The following MYOM2 variants were observed in gnomAD, a reference collection of about 807,000 sequenced individuals.
MYOM2 encodes myomesin 2, also known as myomesin-2.
A neutral mutation model predicts 187.6 loss-of-function variants in MYOM2; 254 were observed. That is an observed-to-expected ratio of 1.35 (90% CI 1.22 to 1.50). The LOEUF (loss-of-function observed/expected upper bound fraction) is 1.50, where lower values mean the gene tolerates loss of function less well. Among genes scored for constraint, MYOM2 ranks in the 40% most tolerant of loss-of-function variants. The pLI, the probability that MYOM2 is intolerant of heterozygous loss-of-function variation, is 0.00. For missense variants in MYOM2, 2,796 were observed against 1,924.0 expected (o/e 1.45, Z -8.48); for synonymous variants, 981 against 753.8 (o/e 1.30, Z -4.94).
rs1796338712 is a variant in MYOM2 at position 2,092,446 on chromosome 8, C to G, written c.1929C>G (p.Gly643=). ...DRPKHEEDLL[G]YYVDCCVAGT... The stretch of plus-strand genomic sequence containing the variant: ...CTAAGCATGAGGAGGACCTGCTGGG[C>G]TACTACGTGGACTGCTGTGTGGCCG... Residue 643 remains glycine, a synonymous_variant, in exon 16 of 37, where the codon GGC becomes GGG. Transcript: ENST00000262113. 1 of 1,614,168 alleles carries G rather than the reference C, an allele frequency of 6.2e-7. No individual in the cohort carries two copies. The highest frequency in any genetic ancestry group is 2.2e-5 in the East Asian group (1 of 44,876).
chr8:2,080,436 A>G (rs1819581773), intron 13 of MYOM2, among the ~76,000 whole-genome samples: 1 of 152,228 alleles, frequency 6.6e-6, no homozygotes, highest in Non-Finnish European at 1.5e-5. Flanking sequence ...CTAGGATCTC[A>G]AAACAAATGT....
chr8:2,106,563 CG>C lies in MYOM2; in HGVS notation c.2966del (p.Gly989GlufsTer16). ...ACTCCGTGTCTGTAAGTGATACAGA[CG>C]GAGTGTCCTCCAGTTTTGTTCTGGA... is the stretch of plus-strand genomic sequence containing the variant. ...TYSVSVSDTD[G>X]VSSSFVLDPE... On this transcript the variant is annotated frameshift_variant, in exon 23 of 37. Coordinates refer to ENST00000262113, the MANE Select transcript of MYOM2 (RefSeq NM_003970.4). LOFTEE classifies it high-confidence loss of function. 1 of 1,609,590 alleles carries C rather than the reference CG, an allele frequency of 6.2e-7. No homozygotes were observed. Among genetic ancestry groups the C allele is most frequent in the Non-Finnish European group, 8.5e-7 (1 of 1,176,204 alleles).
At chr8:2,056,957 C>A (rs1175629188) in intron 3 of MYOM2, among the ~76,000 whole-genome samples, 2 of 152,158 alleles carry the variant, frequency 1.3e-5, no homozygotes, top group African/African-American at 4.8e-5. Context: ...TTTTAAGAGC[C>A]TCAGATTAAG....
chr8:2,142,781 A>T lies in MYOM2; in HGVS notation c.4024+384A>T, dbSNP rs1585985263. 2.2e-5 allele frequency among the ~76,000 whole-genome samples: 3 copies of T among 134,408 alleles called. No homozygotes were observed. In the South Asian group the frequency reaches 7.5e-4, roughly 33 times the overall value. 88.2% of individuals were successfully genotyped at this position (134,408 alleles called of 152,430 possible). ...TTTATTCTTTTTTTTTTTTTGACAG[A>T]GTCTTGCTCTGTCACCCAGGCTGGA... is the stretch of plus-strand genomic sequence containing the variant. On this transcript the variant is annotated intron_variant, in intron 35 of 36. Coordinates refer to ENST00000262113, the MANE Select transcript of MYOM2 (RefSeq NM_003970.4).
At position 2,098,999 on chromosome 8, in the gene MYOM2, C is replaced by A. The variant is rs756455535; in HGVS notation, c.2440+16C>A. On this transcript the variant is annotated intron_variant, in intron 19 of 36. Transcript: ENST00000262113. ...CCGGAGCCCGGTGAGTCGCTGCCCCCAGGACACCCGCGTTCCAGCGCACAG... is the reference window on the plus strand; with the variant it reads ...CCGGAGCCCGGTGAGTCGCTGCCCCAAGGACACCCGCGTTCCAGCGCACAG... The A allele has an allele frequency of 3.8e-6, 6 of 1,592,614 alleles. No individual in the cohort carries two copies. The highest frequency in any genetic ancestry group is 2.2e-5 in the South Asian group (2 of 89,532).
intron 11 of MYOM2, among the ~76,000 whole-genome samples, chr8:2,078,424 AT>A (rs1389878317): frequency 6.6e-6 from 1 of 152,180 alleles, no homozygotes; most frequent in Non-Finnish European, 1.5e-5. Context: ...GTCTAAAATA[AT>A]TTTTTGAGGA....
intron 11 of MYOM2, 33 bp downstream of exon 11, chr8:2,076,315 CG>C (rs1563435022): frequency 6.2e-7 from 1 of 1,607,834 alleles, no homozygotes; most frequent in Admixed American, 1.7e-5. Flanking sequence ...GGGATGGGAA[CG>C]TTCCGCATGG....
intron 10 of MYOM2, among the ~76,000 whole-genome samples, chr8:2,075,469 C>A (rs534431530): frequency 2.0e-5 from 3 of 152,252 alleles, no homozygotes; most frequent in East Asian, 3.9e-4. Flanking sequence ...GCTTTTAATA[C>A]CCTGAAGATA....
chr8:2,086,449 TCG>T (rs1796066746), intron 14 of MYOM2, among the ~76,000 whole-genome samples: 4 of 148,686 alleles, frequency 2.7e-5, no homozygotes, highest in African/African-American at 5.1e-5. Flanking sequence ...CCCCCTACTG[TCG>T]TGATCTCCAC....
At chr8:2,141,546 C>T (rs1798274096) in intron 34 of MYOM2, among the ~76,000 whole-genome samples, 1 of 152,176 alleles carries the variant, frequency 6.6e-6, no homozygotes, top group African/African-American at 2.4e-5. Flanking sequence ...CTTTCTTTTA[C>T]AGACTAAGGG....
At chr8:2,067,977 C>T (rs185206798) in intron 6 of MYOM2, among the ~76,000 whole-genome samples, 191 of 152,150 alleles carry the variant, frequency 1.3e-3, no homozygotes, top group Admixed American at 3.8e-3. Flanking sequence ...AGAAGTTAAT[C>T]GGTCTCTGCA....
intron 19 of MYOM2, among the ~76,000 whole-genome samples, chr8:2,099,869 G>A (rs1429322985): frequency 6.6e-6 from 1 of 152,234 alleles, no homozygotes; most frequent in Non-Finnish European, 1.5e-5. Flanking sequence ...TCAAAGTTCA[G>A]AGTGTTTTCC....
At chr8:2,055,355 G>A (rs1000984264) in intron 3 of MYOM2, among the ~76,000 whole-genome samples, 2 of 152,176 alleles carry the variant, frequency 1.3e-5, no homozygotes, top group African/African-American at 4.8e-5. Context: ...TAGGGGAGAG[G>A]CTCTGAGGGA....
rs367658424 is a variant in MYOM2 at position 2,093,974 on chromosome 8, G to A, written c.2008G>A (p.Val670Met). ...NHKPIGYNRF[V>M]VHGLTTGEQY... ...CCTGATCCCTGTGTTTCTCAGGTTC[G>A]TGGTGCACGGCTTAACCACGGGAGA... Residue 670 changes from valine (V) to methionine (M), a missense_variant, in exon 17 of 37, where the codon GTG becomes ATG. Val to Met is a conservative substitution (Grantham distance 21). Coordinates refer to ENST00000262113, the MANE Select transcript of MYOM2 (RefSeq NM_003970.4). The A allele has an allele frequency of 8.7e-6, 14 of 1,614,092 alleles. No individual in the cohort carries two copies. Among genetic ancestry groups the A allele is most frequent in the Admixed American group, 3.3e-5 (2 of 60,006 alleles).
At chr8:2,079,742 G>A in intron 13 of MYOM2, 129 bp downstream of exon 13, 2 of 980,582 alleles carry the variant, frequency 2.0e-6, no homozygotes, top group Non-Finnish European at 3.3e-6. Context: ...GAAAACCGCA[G>A]GTCAGGCCTG....
chr8:2,103,799 T>A (rs1280923506), intron 21 of MYOM2, among the ~76,000 whole-genome samples: 1 of 150,548 alleles, frequency 6.6e-6, no homozygotes, highest in East Asian at 2.0e-4. Flanking sequence ...TATGTATGTA[T>A]AGGTATATGG....
intron 15 of MYOM2, among the ~76,000 whole-genome samples, chr8:2,092,078 G>GC (rs2116735818): frequency 7.4e-5 from 3 of 40,578 alleles, no homozygotes; most frequent in East Asian, 1.7e-3. Context: ...CAGCTCTGAT[G>GC]GGAGACAGGA....
chr8:2,108,079 TA>T (rs1796952088), intron 23 of MYOM2, among the ~76,000 whole-genome samples: 1 of 152,150 alleles, frequency 6.6e-6, no homozygotes, highest in South Asian at 2.1e-4. Context: ...CAGAAAAATC[TA>T]ACTTCATTTT....
intron 6 of MYOM2, among the ~76,000 whole-genome samples, chr8:2,063,888 T>A (rs539111392): frequency 1.2e-4 from 19 of 152,340 alleles, no homozygotes; most frequent in African/African-American, 4.6e-4. Context: ...ACTCTCTCCA[T>A]CTATTCTGGG....
Sources: gnomAD v4.1 joint callset for allele counts (sites outside exome capture counted in the v4.1 genomes callset) on GRCh38, gnomAD v4.1.1 for gene constraint, MANE v1.5 for transcripts, NCBI Gene and HGNC (gene_info 2026-07-23, HGNC 2026-07-21) for gene names.